Variants in CDH8 observed in about 807,000 individuals in gnomAD.
CDH8 encodes the protein cadherin-8.
Under a neutral mutation model 68.1 loss-of-function variants are expected in CDH8, and 17 were observed. The ratio of observed to expected loss-of-function variants is 0.25; its 90% CI spans 0.17 to 0.37. CDH8 has a LOEUF of 0.37. Ranked by LOEUF, CDH8 falls within the 10% of genes least tolerant of loss-of-function variation. The pLI, the probability that CDH8 is intolerant of heterozygous loss-of-function variation, is 1.00. For synonymous variants in CDH8, 372 were observed against 365.1 expected (o/e 1.02, Z -0.21); for missense variants, 763 against 999.3 (o/e 0.76, Z 3.19).
At chr16:61,666,341 C>A (rs1427479643) in intron 10 of CDH8, among the ~76,000 whole-genome samples, 1 of 151,920 alleles carries the variant, frequency 6.6e-6, no homozygotes, top group Non-Finnish European at 1.5e-5. Context: ...ACAGGATTGG[C>A]CATTATTATT....
At chr16:61,986,615 A>G (rs987587593) in intron 2 of CDH8, among the ~76,000 whole-genome samples, 5 of 152,208 alleles carry the variant, frequency 3.3e-5, no homozygotes, top group African/African-American at 7.2e-5. Flanking sequence ...AACTGGAGAT[A>G]TGTGTCCAAG....
intron 8 of CDH8, among the ~76,000 whole-genome samples, chr16:61,788,893 AT>A (rs1306477559): frequency 6.6e-6 from 1 of 152,008 alleles, no homozygotes; most frequent in African/African-American, 2.4e-5. Context: ...CCTACCCAAA[AT>A]AATACATATT....
intron 4 of CDH8, among the ~76,000 whole-genome samples, chr16:61,848,149 T>C (rs74023270): frequency 6.6e-6 from 1 of 152,044 alleles, no homozygotes; most frequent in South Asian, 2.1e-4. Flanking sequence ...TGAAGGGACA[T>C]GATACATAGA....
chr16:61,829,296 T>C lies in CDH8; in HGVS notation c.668-4117A>G, dbSNP rs115171035. Among the ~76,000 whole-genome samples, 283 of 151,998 alleles carry C rather than the reference T, an allele frequency of 1.9e-3. 1 individual carries two copies. Among genetic ancestry groups the C allele is most frequent in the African/African-American group, 6.6e-3 (273 of 41,524 alleles). On this transcript the variant is annotated intron_variant, in intron 4 of 11. Coordinates refer to ENST00000577390, the MANE Select transcript of CDH8 (RefSeq NM_001796.5). ...GGTCTAGGAGTCTTGATGGTACTTCTATCGCTAGCATCTGGTGCTGCATTC... is the reference window on the plus strand; with the variant it reads ...GGTCTAGGAGTCTTGATGGTACTTCCATCGCTAGCATCTGGTGCTGCATTC...
chr16:61,733,407 T>C (rs1959588386), intron 8 of CDH8, among the ~76,000 whole-genome samples: 1 of 151,962 alleles, frequency 6.6e-6, no homozygotes, highest in African/African-American at 2.4e-5. Context: ...AAAAAATCTT[T>C]ATGCTGTAGG....
chr16:61,967,895 G>A (rs1003286365), intron 2 of CDH8, among the ~76,000 whole-genome samples: 1 of 152,104 alleles, frequency 6.6e-6, no homozygotes, highest in African/African-American at 2.4e-5. Context: ...AGCAACCTCC[G>A]CCTCCTGGGT....
intron 1 of CDH8, among the ~76,000 whole-genome samples, chr16:62,032,201 T>C (rs906421098): frequency 6.6e-6 from 1 of 152,038 alleles, no homozygotes; most frequent in Admixed American, 6.6e-5. Context: ...CAAATCAGAG[T>C]AGCCAGAAAG....
At chr16:61,967,953 C>T (rs1350911204) in intron 2 of CDH8, among the ~76,000 whole-genome samples, 6 of 152,096 alleles carry the variant, frequency 3.9e-5, no homozygotes, top group African/African-American at 1.4e-4. Flanking sequence ...GGATTACAGG[C>T]GCCCGCCACC....
At chr16:61,753,565 T>G (rs1316563273) in intron 8 of CDH8, among the ~76,000 whole-genome samples, 3 of 152,172 alleles carry the variant, frequency 2.0e-5, no homozygotes, top group Non-Finnish European at 4.4e-5. Context: ...TAATAGATGT[T>G]AAGTATTCCA....
At chr16:61,747,440 T>C (rs950961361) in intron 8 of CDH8, among the ~76,000 whole-genome samples, 1 of 152,074 alleles carries the variant, frequency 6.6e-6, no homozygotes. Context: ...ACTTTTAAAA[T>C]ACTCATCATG....
In CDH8 at chr16:62,028,607, A is replaced by T. The variant is rs1036689312; in HGVS notation, c.-199-7005T>A. On this transcript the variant is annotated intron_variant, in intron 1 of 11. Transcript: ENST00000577390. ...ACAAAGACAATAAAGTCAAAATAAG[A>T]TCTCTTCTCTAGTGTTCTAGAACCA... is the stretch of plus-strand genomic sequence containing the variant. Among the ~76,000 whole-genome samples the T allele has an allele frequency of 1.2e-4, 18 of 152,180 alleles. 1 individual carries two copies. Among genetic ancestry groups the T allele is most frequent in the African/African-American group, 4.3e-4 (18 of 41,512 alleles).
At chr16:61,966,212 C>T (rs1965249597) in intron 2 of CDH8, among the ~76,000 whole-genome samples, 1 of 152,018 alleles carries the variant, frequency 6.6e-6, no homozygotes, top group South Asian at 2.1e-4. Context: ...TTGAGAGGAA[C>T]CCAACTTGTA....
chr16:61,872,306 T>A (rs1963384500), intron 3 of CDH8, among the ~76,000 whole-genome samples: 1 of 152,206 alleles, frequency 6.6e-6, no homozygotes, highest in African/African-American at 2.4e-5. Flanking sequence ...GAGGTCCTGA[T>A]AACATGTGCC....
intron 8 of CDH8, among the ~76,000 whole-genome samples, chr16:61,755,395 T>G (rs1369239139): frequency 6.6e-6 from 1 of 152,212 alleles, no homozygotes; most frequent in Non-Finnish European, 1.5e-5. Flanking sequence ...ATATATTTAT[T>G]AAATGTGTAT....
chr16:61,853,654 C>G (rs1962984957), intron 4 of CDH8, among the ~76,000 whole-genome samples: 1 of 152,028 alleles, frequency 6.6e-6, no homozygotes, highest in South Asian at 2.1e-4. Flanking sequence ...ATGTGCAGAC[C>G]TATCATGTAA....
At chr16:62,031,070 T>A (rs1483222610) in intron 1 of CDH8, among the ~76,000 whole-genome samples, 1 of 152,200 alleles carries the variant, frequency 6.6e-6, no homozygotes. Flanking sequence ...GAGTCACCCA[T>A]GCAGCAACTC....
intron 2 of CDH8, among the ~76,000 whole-genome samples, chr16:61,998,902 GA>G (rs1169355352): frequency 2.0e-5 from 3 of 151,998 alleles, no homozygotes; most frequent in Admixed American, 6.6e-5. Context: ...ATACAGAGGG[GA>G]AAAAAAGGAC....
chr16:61,757,578 TC>T (rs1327261252), intron 8 of CDH8, among the ~76,000 whole-genome samples: 4 of 152,138 alleles, frequency 2.6e-5, no homozygotes, highest in East Asian at 3.9e-4. Flanking sequence ...CTGTGATAGA[TC>T]AATAGTATAT....
At chr16:61,821,690 A>G (rs765741279) in intron 5 of CDH8, among the ~76,000 whole-genome samples, 3 of 152,066 alleles carry the variant, frequency 2.0e-5, no homozygotes, top group Admixed American at 6.6e-5. Flanking sequence ...TCATTGCTCT[A>G]AAGACAAAAA....
Sources: gnomAD v4.1 joint callset for allele counts (sites outside exome capture counted in the v4.1 genomes callset) on GRCh38, gnomAD v4.1.1 for gene constraint, MANE v1.5 for transcripts, NCBI Gene and HGNC (gene_info 2026-07-23, HGNC 2026-07-21) for gene names.